ROPN1: variants seen among roughly 807,000 people sequenced by gnomAD.
ROPN1 encodes ropporin-1A.
ROPN1 carries 14 observed loss-of-function variants against 20.5 expected under a neutral mutation model. The observed-to-expected ratio is 0.68, with a 90% CI of 0.45 to 1.07. ROPN1 has a LOEUF of 1.07. Among genes scored for constraint, ROPN1 ranks in the 50% least tolerant of loss-of-function variants. ROPN1 has a pLI of 0.00. For missense variants in ROPN1, 169 were observed against 242.8 expected (o/e 0.70, Z 2.02); for synonymous variants, 76 against 95.7 (o/e 0.79, Z 1.20).
At chr3:123,972,200 A>G (rs1328202583) in intron 4 of ROPN1, among the ~76,000 whole-genome samples, 2 of 152,234 alleles carry the variant, frequency 1.3e-5, no homozygotes. Flanking sequence ...TTGATTATTC[A>G]AACTACAAAC....
At chr3:123,969,376 T>G (rs1240996874) in intron 5 of ROPN1, among the ~76,000 whole-genome samples, 155 bp from the exon 6 acceptor site, 1 of 152,222 alleles carries the variant, frequency 6.6e-6, no homozygotes, top group East Asian at 1.9e-4. Context: ...TCTGGCTCTG[T>G]CATCCAGGCT....
intron 2 of ROPN1, chr3:123,978,681 C>T (rs968269116): frequency 4.6e-5 from 7 of 153,362 alleles, no homozygotes; most frequent in Admixed American, 2.6e-4. Context: ...CGTATTTTGT[C>T]TTGGAAACAC....
chr3:123,971,658 G>T (rs1176471043), intron 4 of ROPN1, among the ~76,000 whole-genome samples: 3 of 152,026 alleles, frequency 2.0e-5, no homozygotes, highest in African/African-American at 7.2e-5. Context: ...TGTGAGATGA[G>T]GTCAGTGGGA....
intron 2 of ROPN1, among the ~76,000 whole-genome samples, chr3:123,978,198 G>GATC (rs1345513192): frequency 6.6e-6 from 1 of 152,176 alleles, no homozygotes; most frequent in African/African-American, 2.4e-5. Flanking sequence ...ACCCCTTGGA[G>GATC]GTCATCAGCA....
intron 2 of ROPN1, chr3:123,978,695 G>T (rs980069212): frequency 1.3e-5 from 2 of 153,214 alleles, no homozygotes; most frequent in African/African-American, 4.8e-5. Context: ...GAAACACTTT[G>T]CAGAGTTTTA....
intron 1 of ROPN1, among the ~76,000 whole-genome samples, chr3:123,988,368 G>A (rs1336390597): frequency 6.6e-6 from 1 of 151,986 alleles, no homozygotes; most frequent in Non-Finnish European, 1.5e-5. Flanking sequence ...CTGACAATCA[G>A]GTCAGAAGGA....
At chr3:123,981,854 A>C (rs1480452460) in intron 1 of ROPN1, among the ~76,000 whole-genome samples, 1 of 152,240 alleles carries the variant, frequency 6.6e-6, no homozygotes, top group Non-Finnish European at 1.5e-5. Context: ...ACAGTAATGT[A>C]ACCACTAAAT....
rs1484429765 is a variant in ROPN1 at position 123,990,080 on chromosome 3, TTGACTGACAGCTGTGTGGATGAGC to T, written c.-13+1818_-13+1841del. Among the ~76,000 whole-genome samples, 6 of 152,300 alleles carry T rather than the reference TTGACTGACAGCTGTGTGGATGAGC, an allele frequency of 3.9e-5. No homozygotes were observed. In the East Asian group the frequency reaches 1.2e-3, roughly 29 times the overall value. On this transcript the variant is annotated intron_variant, in intron 1 of 5. Coordinates refer to ENST00000405845, the MANE Select transcript of ROPN1 (RefSeq NM_001317774.2). ...TCTCTTTGTTGGACTCTGAAACACGTTGACTGACAGCTGTGTGGATGAGCTGAAGAGAGGATGGTGAAGCTTCAG... is the reference window on the plus strand; with the variant it reads ...TCTCTTTGTTGGACTCTGAAACACGTTGAAGAGAGGATGGTGAAGCTTCAG...
At chr3:123,988,865 A>C (rs2038331588) in intron 1 of ROPN1, among the ~76,000 whole-genome samples, 1 of 151,878 alleles carries the variant, frequency 6.6e-6, no homozygotes, top group South Asian at 2.1e-4. Flanking sequence ...TGACTCAAAG[A>C]AGGTATAATA....
At chr3:123,989,749 C>T (rs1165188621) in intron 1 of ROPN1, among the ~76,000 whole-genome samples, 2 of 152,146 alleles carry the variant, frequency 1.3e-5, no homozygotes, top group Non-Finnish European at 2.9e-5. Flanking sequence ...AGTGAGTTAC[C>T]TTTTAGTGAA....
chr3:123,986,132 G>A (rs1157304838), intron 1 of ROPN1, among the ~76,000 whole-genome samples: 2 of 148,678 alleles, frequency 1.3e-5, no homozygotes, highest in Non-Finnish European at 3.0e-5. Context: ...CTTACCAAAT[G>A]CTTAAGTTTT....
At chr3:123,969,967 T>C in intron 5 of ROPN1, 75 bp downstream of exon 5, 1 of 1,438,790 alleles carries the variant, frequency 7.0e-7, no homozygotes, top group Non-Finnish European at 9.7e-7. Context: ...TATAATACAA[T>C]AATCTCACTA....
At chr3:123,980,109 G>T (rs2038106759) in intron 2 of ROPN1, 1 of 541,820 alleles carries the variant, frequency 1.8e-6, no homozygotes, top group Admixed American at 3.1e-5. Context: ...CTTGCTGCTT[G>T]CCCCAGGACA....
Position 123,969,186 on chromosome 3 carries a change from A to C in ROPN1, c.608T>G (p.Phe203Cys). The C allele has an allele frequency of 6.2e-7, 1 of 1,614,114 alleles. No homozygotes were observed. Among genetic ancestry groups the C allele is most frequent in the Non-Finnish European group, 8.5e-7 (1 of 1,179,972 alleles). ...GPDGIITVND[F>C]TQNPRVQLE Reference sequence around the variant, plus strand: ...CAGCTGAACCCTGGGGTTTTGGGTAAAGTCATTCACTGTGATTATACCATC... The same window carrying C: ...CAGCTGAACCCTGGGGTTTTGGGTACAGTCATTCACTGTGATTATACCATC... Residue 203 changes from phenylalanine (F) to cysteine (C), a missense_variant, in exon 6 of 6, where the codon TTT (phenylalanine) becomes TGT (cysteine). Physicochemically the swap from Phe to Cys is radical, Grantham distance 205. This residue lies in a region of ROPN1 where 82 missense variants were observed against 100.1 expected (regional missense o/e 0.82). Transcript: ENST00000405845.
intron 5 of ROPN1, 120 bp downstream of exon 5, chr3:123,969,922 A>C: frequency 2.1e-6 from 2 of 960,672 alleles, no homozygotes; most frequent in Non-Finnish European, 1.5e-6. Flanking sequence ...TCCATATTTC[A>C]TGTTTCTCAC....
intron 1 of ROPN1, among the ~76,000 whole-genome samples, chr3:123,984,385 A>G (rs182446416): frequency 1.3e-3 from 197 of 152,284 alleles, no homozygotes; most frequent in African/African-American, 4.6e-3. Context: ...TCAAAGTCTG[A>G]GAGTCATCCA....
chr3:123,980,014 C>T (rs1211406058), intron 2 of ROPN1: 1 of 496,624 alleles, frequency 2.0e-6, no homozygotes, highest in East Asian at 3.2e-5. Flanking sequence ...TTCGGAGATT[C>T]CCAGCCCTTC....
chr3:123,983,434 G>A (rs969898138), intron 1 of ROPN1, among the ~76,000 whole-genome samples: 1 of 152,172 alleles, frequency 6.6e-6, no homozygotes, highest in Non-Finnish European at 1.5e-5. Context: ...CTCTCCTGGA[G>A]TCTCAGATAA....
chr3:123,985,454 T>TCATCAC (rs1181443829), intron 1 of ROPN1, among the ~76,000 whole-genome samples: 4 of 152,228 alleles, frequency 2.6e-5, no homozygotes, highest in Non-Finnish European at 4.4e-5. Context: ...TTTTTCTTCA[T>TCATCAC]CATCACCATC....
Sources: allele counts gnomAD v4.1 joint callset (sites outside exome capture counted in the v4.1 genomes callset), GRCh38; gene constraint gnomAD v4.1.1; regional missense constraint gnomAD v4.1.1; transcripts MANE v1.5; gene names NCBI Gene and HGNC (gene_info 2026-07-23, HGNC 2026-07-21).